Variants in ADAMTS19 observed in about 807,000 individuals in gnomAD.
The protein encoded by ADAMTS19 is ADAM metallopeptidase with thrombospondin type 1 motif 19, also known as A disintegrin and metalloproteinase with thrombospondin motifs 19.
In ADAMTS19, 93 loss-of-function variants were observed where a neutral mutation model predicts 153.3. The observed-to-expected ratio is 0.61, with a 90% CI of 0.51 to 0.72. The LOEUF (loss-of-function observed/expected upper bound fraction) is 0.72. ADAMTS19 is among the 30% of genes least tolerant of loss of function. ADAMTS19 has a pLI of 0.00. For missense variants in ADAMTS19, 1,482 were observed against 1,552.1 expected (o/e 0.95, Z 0.76); for synonymous variants, 600 against 556.6 (o/e 1.08, Z -1.10).
chr5:129,645,885 A>ATTTTTTTTTTTTTTTTTTTTTTTTTTTT (rs529444004), intron 11 of ADAMTS19, among the ~76,000 whole-genome samples: 12 of 97,094 alleles, frequency 1.2e-4, no homozygotes, highest in Admixed American at 2.4e-4. Context: ...TCCTTTTCCA[A>ATTTTTTTTTTTTTTTTTTTTTTTTTTTT]TTTTTTTTTT....
chr5:129,697,241 G>A (rs1755600443), intron 19 of ADAMTS19, among the ~76,000 whole-genome samples: 1 of 152,130 alleles, frequency 6.6e-6, no homozygotes, highest in African/African-American at 2.4e-5. Context: ...CCAAAGGAAG[G>A]AGAGTAATAA....
intron 6 of ADAMTS19, among the ~76,000 whole-genome samples, chr5:129,539,446 A>G (rs1033040758): frequency 3.9e-5 from 6 of 152,088 alleles, no homozygotes; most frequent in African/African-American, 4.8e-5. Flanking sequence ...ATGCAGCTAT[A>G]TGGCACTTTT....
chr5:129,463,393 TATAAAAA>T (rs1239647422), intron 2 of ADAMTS19, among the ~76,000 whole-genome samples: 1 of 152,126 alleles, frequency 6.6e-6, no homozygotes, highest in Non-Finnish European at 1.5e-5. Context: ...TTAAAGTATT[TATAAAAA>T]AAGAATTATA....
chr5:129,668,006 C>A (rs1754129818), intron 16 of ADAMTS19, among the ~76,000 whole-genome samples: 1 of 152,130 alleles, frequency 6.6e-6, no homozygotes, highest in African/African-American at 2.4e-5. Context: ...GTTCTGTAGG[C>A]CAGAAGTCCA....
chr5:129,592,932 G>A (rs922641057), intron 7 of ADAMTS19, among the ~76,000 whole-genome samples: 13 of 152,028 alleles, frequency 8.6e-5, no homozygotes, highest in South Asian at 2.1e-4. Context: ...TGCACTCATC[G>A]TTTTTGAATA....
chr5:129,585,884 C>A (rs965395322), intron 7 of ADAMTS19, among the ~76,000 whole-genome samples: 1 of 152,094 alleles, frequency 6.6e-6, no homozygotes, highest in African/African-American at 2.4e-5. Context: ...GTGAAGTTTC[C>A]TTTTTCTCCT....
At chr5:129,534,160 C>T (rs998702129) in intron 6 of ADAMTS19, among the ~76,000 whole-genome samples, 1 of 152,026 alleles carries the variant, frequency 6.6e-6, no homozygotes, top group Non-Finnish European at 1.5e-5. Context: ...TGTTAACTAC[C>T]TGTCTCATTG....
intron 16 of ADAMTS19, among the ~76,000 whole-genome samples, chr5:129,677,004 TA>T (rs1754579571): frequency 6.6e-6 from 1 of 152,226 alleles, no homozygotes; most frequent in South Asian, 2.1e-4. Flanking sequence ...AATGGAATTG[TA>T]CCGACCTTAG....
intron 2 of ADAMTS19, among the ~76,000 whole-genome samples, chr5:129,465,107 C>G (rs953325620): frequency 6.6e-6 from 1 of 152,180 alleles, no homozygotes; most frequent in African/African-American, 2.4e-5. Context: ...TCTGATGACA[C>G]TGTCTTGTTC....
intron 3 of ADAMTS19, among the ~76,000 whole-genome samples, chr5:129,516,251 T>A (rs1561546679): frequency 2.0e-5 from 3 of 151,130 alleles, no homozygotes; most frequent in Middle Eastern, 3.4e-3. Flanking sequence ...GTTTTTTTTT[T>A]AATTTATGTG....
At chr5:129,494,370 C>T (rs1403086551) in intron 2 of ADAMTS19, among the ~76,000 whole-genome samples, 1 of 152,072 alleles carries the variant, frequency 6.6e-6, no homozygotes, top group Non-Finnish European at 1.5e-5. Context: ...TCCTGGACAC[C>T]ACATGTCTGA....
intron 10 of ADAMTS19, among the ~76,000 whole-genome samples, chr5:129,630,126 C>T (rs1434092356): frequency 6.6e-6 from 1 of 152,034 alleles, no homozygotes; most frequent in East Asian, 1.9e-4. Context: ...CTACTTGATT[C>T]ATCCAAGTTT....
chr5:129,706,597 AGTT>A lies in ADAMTS19; in HGVS notation c.3312+2213_3312+2215del, dbSNP rs371170602. ...AAAAAAAATGAAAAACTTAAATGTT[AGTT>A]GTTGTTAACCTCCAACTAACTATAA... On this transcript the variant is annotated intron_variant, in intron 21 of 22. Transcript: ENST00000274487. 3.8e-4 allele frequency among the ~76,000 whole-genome samples: 58 copies of A among 152,196 alleles called. No individual in the cohort carries two copies. The East Asian group carries it at 0.011, about 28-fold the overall frequency.
intron 6 of ADAMTS19, among the ~76,000 whole-genome samples, chr5:129,544,111 A>G (rs922100873): frequency 6.6e-6 from 1 of 152,186 alleles, no homozygotes; most frequent in African/African-American, 2.4e-5. Context: ...TTTAATAATT[A>G]ATGTTGATAT....
chr5:129,569,980 A>G lies in ADAMTS19; in HGVS notation c.1372+18073A>G, dbSNP rs183508953. 8.9e-4 allele frequency among the ~76,000 whole-genome samples: 136 copies of G among 152,206 alleles called. 1 individual carries two copies. The highest frequency in any genetic ancestry group is 3.0e-3 in the African/African-American group (126 of 41,568). On this transcript the variant is annotated intron_variant, in intron 7 of 22. Coordinates refer to ENST00000274487, the MANE Select transcript of ADAMTS19 (RefSeq NM_133638.6). ...GGAAAGAAGTAGTAAAAATAGGAGC[A>G]TAAATCAGTAGGAGAATTCCCCTAT...
At chr5:129,505,918 T>C (rs979915768) in intron 2 of ADAMTS19, among the ~76,000 whole-genome samples, 2 of 152,160 alleles carry the variant, frequency 1.3e-5, no homozygotes, top group Non-Finnish European at 2.9e-5. Context: ...TACTCTGCAT[T>C]TATTTTAGAT....
chr5:129,498,011 G>A (rs1750981322), intron 2 of ADAMTS19, among the ~76,000 whole-genome samples: 1 of 151,938 alleles, frequency 6.6e-6, no homozygotes, highest in Non-Finnish European at 1.5e-5. Context: ...AATGGCTTAG[G>A]GTCTTGAGAG....
intron 6 of ADAMTS19, among the ~76,000 whole-genome samples, chr5:129,536,854 A>G (rs1198636104): frequency 6.6e-6 from 1 of 151,768 alleles, no homozygotes; most frequent in Non-Finnish European, 1.5e-5. Context: ...GTGGGAATTG[A>G]ACAATGAGAA....
chr5:129,544,758 C>T (rs1752794754), intron 6 of ADAMTS19, among the ~76,000 whole-genome samples: 1 of 152,082 alleles, frequency 6.6e-6, no homozygotes. Context: ...AATGATTACA[C>T]ACAACTAGAA....
Sources: allele counts gnomAD v4.1 joint callset (sites outside exome capture counted in the v4.1 genomes callset), GRCh38; gene constraint gnomAD v4.1.1; transcripts MANE v1.5; gene names NCBI Gene and HGNC (gene_info 2026-07-23, HGNC 2026-07-21).